The following PPARGC1A variants were observed in gnomAD, a reference collection of about 807,000 sequenced individuals.
The protein encoded by PPARGC1A is peroxisome proliferator-activated receptor gamma coactivator 1-alpha.
PPARGC1A carries 25 observed loss-of-function variants against 88.7 expected under a neutral mutation model. The observed-to-expected ratio is 0.28, with a 90% CI of 0.21 to 0.39. The LOEUF is 0.39. PPARGC1A is among the 10% of genes least tolerant of loss of function. PPARGC1A has a pLI of 1.00. For synonymous variants in PPARGC1A, 363 were observed against 355.6 expected, an observed-to-expected ratio of 1.02 and a Z score of -0.24; for missense variants, 880 against 968.7, an observed-to-expected ratio of 0.91 and a Z score of 1.22.
At chr4:24,338,225 T>C in the PPARGC1A span, among the ~76,000 whole-genome samples, 3,631 of 152,242 alleles carry the variant, frequency 0.024, 117 homozygotes, top group African/African-American at 0.071. Context: ...TGCGAGCCAC[T>C]GAACCACACC....
chr4:24,439,414 C>T, the PPARGC1A span, among the ~76,000 whole-genome samples: 1 of 152,188 alleles, frequency 6.6e-6, no homozygotes, highest in Non-Finnish European at 1.5e-5. Flanking sequence ...TTATGCTTGC[C>T]AGTTAGAAGT....
chr4:24,371,402 A>T, the PPARGC1A span, among the ~76,000 whole-genome samples: 2 of 152,136 alleles, frequency 1.3e-5, no homozygotes, highest in Non-Finnish European at 2.9e-5. Context: ...TCTGTCCCCA[A>T]TACACTTCCT....
chr4:23,980,251 T>G, the PPARGC1A span, among the ~76,000 whole-genome samples: 7 of 151,544 alleles, frequency 4.6e-5, no homozygotes, highest in Non-Finnish European at 2.9e-5. Context: ...TCCAAACTTG[T>G]ATTTAGTGAT....
the PPARGC1A span, among the ~76,000 whole-genome samples, chr4:24,432,666 C>A: frequency 6.6e-6 from 1 of 152,344 alleles, no homozygotes; most frequent in Middle Eastern, 3.4e-3. Context: ...CCAGTCTTAG[C>A]CCCACTGGAT....
the PPARGC1A span, among the ~76,000 whole-genome samples, chr4:24,183,684 CCTCA>C: frequency 6.6e-6 from 1 of 152,144 alleles, no homozygotes; most frequent in Admixed American, 6.6e-5. Flanking sequence ...GGTTTCCCTT[CCTCA>C]CTCTGCTCTT....
chr4:24,288,639 G>A, the PPARGC1A span, among the ~76,000 whole-genome samples: 3 of 152,176 alleles, frequency 2.0e-5, no homozygotes, highest in Non-Finnish European at 4.4e-5. Context: ...GACAGGAAGA[G>A]GATGCGAAAG....
chr4:24,320,691 G>T, the PPARGC1A span, among the ~76,000 whole-genome samples: 1 of 152,068 alleles, frequency 6.6e-6, no homozygotes, highest in African/African-American at 2.4e-5. Flanking sequence ...CTTGCAAAAA[G>T]TTCAGTGAAG....
chr4:23,878,464 GTGAGTTGCTATTTAT>G (rs1715261621), intron 2 of PPARGC1A, among the ~76,000 whole-genome samples: 2 of 152,036 alleles, frequency 1.3e-5, no homozygotes, highest in African/African-American at 4.8e-5. Context: ...CCTGCATCCT[GTGAGTTGCTATTTAT>G]TAGCAGGGGT....
At chr4:23,923,571 AAAAG>A in the PPARGC1A span, among the ~76,000 whole-genome samples, 225 of 152,332 alleles carry the variant, frequency 1.5e-3, no homozygotes, top group South Asian at 3.7e-3. Flanking sequence ...AAAAAAAGAA[AAAAG>A]AAAGAAAGAA....
intron 10 of PPARGC1A, among the ~76,000 whole-genome samples, chr4:23,808,250 C>CA (rs527466137): frequency 0.41 from 38,372 of 93,362 alleles, 6,642 homozygotes; most frequent in Admixed American, 0.48. Context: ...GACTCCATCT[C>CA]AAAAAAAAAA....
chr4:23,870,713 C>T (rs892607416), intron 2 of PPARGC1A, among the ~76,000 whole-genome samples: 4 of 152,122 alleles, frequency 2.6e-5, no homozygotes, highest in Non-Finnish European at 4.4e-5. Context: ...TCTAGTTTGG[C>T]TTCTCAGAGA....
chr4:24,262,385 A>C, the PPARGC1A span, among the ~76,000 whole-genome samples: 1 of 152,190 alleles, frequency 6.6e-6, no homozygotes, highest in Non-Finnish European at 1.5e-5. Flanking sequence ...TATCAGAAGC[A>C]CTTCCACCAT....
the PPARGC1A span, among the ~76,000 whole-genome samples, chr4:24,111,114 G>T: frequency 6.6e-6 from 1 of 152,112 alleles, no homozygotes; most frequent in East Asian, 1.9e-4. Context: ...GCCCTAGGGA[G>T]ATTATTGCAA....
At chr4:24,057,303 G>A in the PPARGC1A span, among the ~76,000 whole-genome samples, 4 of 152,162 alleles carry the variant, frequency 2.6e-5, no homozygotes, top group Non-Finnish European at 5.9e-5. Flanking sequence ...AGGTGGTAGG[G>A]AGAAATGATG....
chr4:24,171,140 G>A, the PPARGC1A span, among the ~76,000 whole-genome samples: 1 of 151,976 alleles, frequency 6.6e-6, no homozygotes, highest in Non-Finnish European at 1.5e-5. Context: ...GGCCAGGCGC[G>A]GTGGCTCACG....
chr4:24,332,688 T>C, the PPARGC1A span, among the ~76,000 whole-genome samples: 1 of 152,136 alleles, frequency 6.6e-6, no homozygotes, highest in African/African-American at 2.4e-5. Flanking sequence ...AAAGTTGAAA[T>C]GTAAATGAAC....
chr4:23,872,127 C>G (rs535107740), intron 2 of PPARGC1A, among the ~76,000 whole-genome samples: 2 of 152,284 alleles, frequency 1.3e-5, no homozygotes, highest in African/African-American at 4.8e-5. Context: ...GCGTGTCAGT[C>G]CTTCCAGCTG....
At chr4:24,271,436 G>A in the PPARGC1A span, among the ~76,000 whole-genome samples, 1 of 152,068 alleles carries the variant, frequency 6.6e-6, no homozygotes, top group Non-Finnish European at 1.5e-5. Context: ...GGAGTGCAGT[G>A]GCACAATCTC....
the PPARGC1A span, among the ~76,000 whole-genome samples, chr4:24,394,400 C>T: frequency 1.5e-4 from 23 of 152,292 alleles, no homozygotes; most frequent in South Asian, 4.3e-3. Context: ...CTGAAGTTCA[C>T]GTCTAGGGAC....
Sources: gnomAD v4.1 joint callset for allele counts (sites outside exome capture counted in the v4.1 genomes callset) on GRCh38, gnomAD v4.1.1 for gene constraint, MANE v1.5 for transcripts, NCBI Gene and HGNC (gene_info 2026-07-23, HGNC 2026-07-21) for gene names.